XPR1: variants seen among roughly 807,000 people sequenced by gnomAD.
The protein encoded by XPR1 is xenotropic and polytropic retrovirus receptor 1.
In XPR1, 28 loss-of-function variants were observed where a neutral mutation model predicts 87.5. The ratio of observed to expected loss-of-function variants is 0.32; its 90% CI spans 0.24 to 0.44. XPR1 has a LOEUF of 0.44. Ranked by LOEUF, XPR1 falls within the 20% of genes least tolerant of loss-of-function variation. XPR1 has a pLI of 1.00. For synonymous variants in XPR1, 300 were observed against 306.1 expected (o/e 0.98, Z 0.21); for missense variants, 559 against 862.3 (o/e 0.65, Z 4.41).
chr1:180,643,899 A>G (rs979569413), intron 1 of XPR1, among the ~76,000 whole-genome samples: 3 of 152,152 alleles, frequency 2.0e-5, no homozygotes, highest in East Asian at 1.9e-4. Context: ...TGGGAACACC[A>G]TTTGACTGGC....
chr1:180,701,643 A>G (rs1657334575), intron 2 of XPR1, among the ~76,000 whole-genome samples: 1 of 135,754 alleles, frequency 7.4e-6, no homozygotes, highest in African/African-American at 3.1e-5. Flanking sequence ...GGATTTTTGC[A>G]TCAATGTTCA....
At chr1:180,864,072 CAAAGT>C (rs1184953242) in intron 12 of XPR1, among the ~76,000 whole-genome samples, 198 bp downstream of exon 12, 1 of 152,016 alleles carries the variant, frequency 6.6e-6, no homozygotes, top group Non-Finnish European at 1.5e-5. Flanking sequence ...GAAATCAAAA[CAAAGT>C]AAAATTCTCA....
At chr1:180,877,455 T>C (rs548398876) in intron 13 of XPR1, among the ~76,000 whole-genome samples, 4 of 152,252 alleles carry the variant, frequency 2.6e-5, no homozygotes, top group East Asian at 1.9e-4. Context: ...ATAAATGATA[T>C]TGAGTCAACT....
intron 7 of XPR1, among the ~76,000 whole-genome samples, chr1:180,817,289 T>C (rs1443500061): frequency 6.6e-6 from 1 of 151,436 alleles, no homozygotes; most frequent in Non-Finnish European, 1.5e-5. Flanking sequence ...TAATTTATTA[T>C]TGAAGAAAGA....
chr1:180,656,589 T>TATATATTTTATATATGTATGTATA (rs1330346039), intron 1 of XPR1, among the ~76,000 whole-genome samples: 8 of 90,234 alleles, frequency 8.9e-5, no homozygotes, highest in African/African-American at 2.0e-4. Flanking sequence ...GTATGTATAA[T>TATATATTTTATATATGTATGTATA]ATATATTTTA....
intron 1 of XPR1, among the ~76,000 whole-genome samples, chr1:180,679,443 C>CA (rs985281489): frequency 1.3e-5 from 2 of 152,160 alleles, no homozygotes; most frequent in South Asian, 2.1e-4. Flanking sequence ...GCCCCCACAG[C>CA]AAAAAAATTA....
At chr1:180,802,104 G>C (rs1192585037) in intron 3 of XPR1, among the ~76,000 whole-genome samples, 1 of 151,898 alleles carries the variant, frequency 6.6e-6, no homozygotes, top group Non-Finnish European at 1.5e-5. Context: ...CCGGTCCCTT[G>C]GCATTTCTAT....
At chr1:180,811,853 C>G (rs905408755) in intron 7 of XPR1, among the ~76,000 whole-genome samples, 1 of 152,144 alleles carries the variant, frequency 6.6e-6, no homozygotes, top group Non-Finnish European at 1.5e-5. Context: ...AAAGCTCTTT[C>G]ACTTTGCTTA....
At chr1:180,688,762 CTT>C (rs1656874169) in intron 2 of XPR1, among the ~76,000 whole-genome samples, 1 of 152,106 alleles carries the variant, frequency 6.6e-6, no homozygotes, top group Non-Finnish European at 1.5e-5. Context: ...AGTGAAATAT[CTT>C]TTACCTTTTC....
chr1:180,789,269 CTGAAT>C (rs939505837), intron 3 of XPR1, among the ~76,000 whole-genome samples: 9 of 152,220 alleles, frequency 5.9e-5, no homozygotes, highest in African/African-American at 2.2e-4. Context: ...GGCTCCCAGT[CTGAAT>C]AAATCTCTAT....
intron 2 of XPR1, among the ~76,000 whole-genome samples, chr1:180,709,728 G>A (rs901822943): frequency 2.0e-5 from 3 of 152,056 alleles, no homozygotes; most frequent in African/African-American, 7.2e-5. Flanking sequence ...GGAATGTGGT[G>A]TTACCTCGTT....
At chr1:180,651,040 A>G (rs1655277301) in intron 1 of XPR1, among the ~76,000 whole-genome samples, 1 of 151,076 alleles carries the variant, frequency 6.6e-6, no homozygotes, top group Non-Finnish European at 1.5e-5. Flanking sequence ...GCATAACAGG[A>G]CCCCCTTTCG....
chr1:180,856,696 C>G (rs1037262200), intron 11 of XPR1, among the ~76,000 whole-genome samples: 1 of 152,146 alleles, frequency 6.6e-6, no homozygotes. Context: ...CAAAATTTAC[C>G]AAGTCCTGCC....
chr1:180,854,111 C>T (rs1651960885), intron 11 of XPR1, among the ~76,000 whole-genome samples: 1 of 152,180 alleles, frequency 6.6e-6, no homozygotes, highest in African/African-American at 2.4e-5. Context: ...CTATTTTTAG[C>T]TCTCAGGAAC....
At chr1:180,716,049 G>C (rs957923990) in intron 2 of XPR1, among the ~76,000 whole-genome samples, 4 of 152,158 alleles carry the variant, frequency 2.6e-5, no homozygotes, top group Non-Finnish European at 5.9e-5. Context: ...CAAGGGAGTG[G>C]ACAATCCCTA....
At chr1:180,840,418 A>G (rs1651463463) in intron 11 of XPR1, among the ~76,000 whole-genome samples, 2 of 151,860 alleles carry the variant, frequency 1.3e-5, no homozygotes, top group South Asian at 4.2e-4. Context: ...TCAGCTCAAA[A>G]TAATCCTTAT....
chr1:180,798,245 AT>A (rs976914573), intron 3 of XPR1, among the ~76,000 whole-genome samples: 3 of 151,898 alleles, frequency 2.0e-5, no homozygotes, highest in South Asian at 2.1e-4. Flanking sequence ...TTGACTAGGC[AT>A]TTTTTTTAAA....
At chr1:180,738,022 A>AT (rs1557982503) in intron 2 of XPR1, among the ~76,000 whole-genome samples, 1 of 151,782 alleles carries the variant, frequency 6.6e-6, no homozygotes, top group Admixed American at 6.6e-5. Context: ...ATTTATTTTT[A>AT]TTTTTTTGAG....
intron 2 of XPR1, among the ~76,000 whole-genome samples, chr1:180,687,139 C>A (rs1205537828): frequency 6.6e-6 from 1 of 151,772 alleles, no homozygotes; most frequent in Non-Finnish European, 1.5e-5. Context: ...GATTCCTTAC[C>A]CTGAGTAAGT....
Sources: gnomAD v4.1 joint callset for allele counts (sites outside exome capture counted in the v4.1 genomes callset) on GRCh38, gnomAD v4.1.1 for gene constraint, MANE v1.5 for transcripts, NCBI Gene and HGNC (gene_info 2026-07-23, HGNC 2026-07-21) for gene names.